The following DNAH3 variants were observed in gnomAD, a reference collection of about 807,000 sequenced individuals.
The protein encoded by DNAH3 is axonemal beta dynein heavy chain 3.
DNAH3 carries 332 observed loss-of-function variants against 432.5 expected under a neutral mutation model. That is an observed-to-expected ratio of 0.77 (90% CI 0.70 to 0.84). The LOEUF (loss-of-function observed/expected upper bound fraction) is 0.84. Ranked by LOEUF, DNAH3 falls within the 40% of genes least tolerant of loss-of-function variation. The pLI, the probability that DNAH3 is intolerant of heterozygous loss-of-function variation, is 0.00. For missense variants in DNAH3, 4,861 were observed against 5,114.0 expected (o/e 0.95, Z 1.51); for synonymous variants, 1,956 against 1,900.2 (o/e 1.03, Z -0.76).
chr16:21,128,576 T>C (rs2092488302), intron 7 of DNAH3, among the ~76,000 whole-genome samples: 1 of 151,464 alleles, frequency 6.6e-6, no homozygotes. Flanking sequence ...GCGCCTGTAA[T>C]CCCAACCACC....
intron 41 of DNAH3, among the ~76,000 whole-genome samples, chr16:21,010,246 G>C (rs2087525909): frequency 6.6e-6 from 1 of 152,106 alleles, no homozygotes; most frequent in African/African-American, 2.4e-5. Flanking sequence ...TTAAACTCTG[G>C]TCTGGGTGTG....
At chr16:20,963,780 C>T in exon 53 of DNAH3, 1 of 1,613,938 alleles carries the variant, frequency 6.2e-7, no homozygotes, top group Non-Finnish European at 8.5e-7. Context: ...GTAGCTTGTC[C>T]TTCTCAAACA....
rs933747842 is a variant in DNAH3 at position 21,037,696 on chromosome 16, A to C, written c.4950+65T>G. ...GAAGAGGGTATGGGGAAGGCACCAA[A>C]CACAACATTTCATCTTCCAACATTG... On this transcript the variant is annotated intron_variant, in intron 34 of 61. Transcript: ENST00000261383. 4.4e-5 allele frequency: 64 copies of C among 1,458,552 alleles called. No homozygotes were observed. In the African/African-American group the frequency reaches 8.6e-4, roughly 20 times the overall value. 90.4% of individuals were successfully genotyped at this position (1,458,552 alleles called of 1,614,324 possible).
intron 41 of DNAH3, among the ~76,000 whole-genome samples, chr16:21,007,786 T>C (rs937026621): frequency 6.6e-6 from 1 of 152,204 alleles, no homozygotes; most frequent in African/African-American, 2.4e-5. Context: ...CTCCAAATCA[T>C]AAAAATGTGC....
chr16:21,085,204 C>T (rs372269816), intron 19 of DNAH3, among the ~76,000 whole-genome samples: 1 of 146,526 alleles, frequency 6.8e-6, no homozygotes, highest in African/African-American at 2.7e-5. Flanking sequence ...CATAGTAAGA[C>T]CCCCCCCATC....
chr16:20,989,406 C>T (rs1022575132), intron 44 of DNAH3, among the ~76,000 whole-genome samples: 1 of 151,066 alleles, frequency 6.6e-6, no homozygotes, highest in Non-Finnish European at 1.5e-5. Context: ...AATCCTTGAG[C>T]TAGACATAAA....
intron 21 of DNAH3, among the ~76,000 whole-genome samples, chr16:21,074,799 T>G (rs913498344): frequency 6.6e-6 from 1 of 152,126 alleles, no homozygotes; most frequent in Non-Finnish European, 1.5e-5. Flanking sequence ...CCCCAAGAGC[T>G]GCAACCCTCA....
intron 41 of DNAH3, among the ~76,000 whole-genome samples, chr16:21,005,628 C>G (rs929190173): frequency 6.6e-6 from 1 of 151,876 alleles, no homozygotes; most frequent in Non-Finnish European, 1.5e-5. Context: ...ATCTGCCTGC[C>G]TTGGCCTCCT....
intron 28 of DNAH3, 47 bp downstream of exon 28, chr16:21,054,373 G>T: frequency 7.2e-7 from 1 of 1,397,224 alleles, no homozygotes; most frequent in Non-Finnish European, 1.0e-6. Flanking sequence ...AGACTAGACT[G>T]CTTCTCCTGG....
At chr16:21,097,707 T>G (rs1465070279) in intron 17 of DNAH3, among the ~76,000 whole-genome samples, 1 of 152,182 alleles carries the variant, frequency 6.6e-6, no homozygotes, top group East Asian at 1.9e-4. Context: ...GTCTGTCTGG[T>G]TGAAACTGTA....
intron 51 of DNAH3, among the ~76,000 whole-genome samples, chr16:20,970,731 G>A (rs1420206574): frequency 6.6e-6 from 1 of 152,078 alleles, no homozygotes; most frequent in African/African-American, 2.4e-5. Flanking sequence ...CTCATTAGGG[G>A]GGAAAGAAAT....
At position 21,038,435 on chromosome 16, in the gene DNAH3, T is replaced by G. The variant is rs115797437; in HGVS notation, c.4731-455A>C. ...GGAAGGCTAAGGGTGGGAGGAGCTCTTGAGCCCAGGAGTTCAAGGCTGCAG... is the reference window on the plus strand; with the variant it reads ...GGAAGGCTAAGGGTGGGAGGAGCTCGTGAGCCCAGGAGTTCAAGGCTGCAG... On this transcript the variant is annotated intron_variant, in intron 33 of 61. Transcript: ENST00000261383. Among the ~76,000 whole-genome samples the G allele has an allele frequency of 2.3e-3, 355 of 152,292 alleles. 1 individual carries two copies. The highest frequency in any genetic ancestry group is 8.1e-3 in the African/African-American group (338 of 41,580).
chr16:21,071,711 G>T (rs981350116), intron 21 of DNAH3, among the ~76,000 whole-genome samples: 5 of 152,008 alleles, frequency 3.3e-5, no homozygotes, highest in African/African-American at 1.2e-4. Flanking sequence ...AACATAGCAA[G>T]ACCCCATCTC....
At chr16:21,095,503 G>A (rs1418038371) in intron 18 of DNAH3, among the ~76,000 whole-genome samples, 2 of 152,240 alleles carry the variant, frequency 1.3e-5, no homozygotes, top group East Asian at 1.9e-4. Context: ...AAAACTATAG[G>A]AACAATGAAG....
At chr16:21,029,784 G>A (rs1459839670) in intron 37 of DNAH3, among the ~76,000 whole-genome samples, 1 of 152,166 alleles carries the variant, frequency 6.6e-6, no homozygotes, top group Non-Finnish European at 1.5e-5. Flanking sequence ...CTACTATTGA[G>A]CTGTGTTGTG....
chr16:21,083,085 C>T (rs879338902), intron 19 of DNAH3, among the ~76,000 whole-genome samples: 26 of 151,150 alleles, frequency 1.7e-4, no homozygotes, highest in Admixed American at 9.2e-4. Context: ...GGCGCAATCT[C>T]GGCTCACTGC....
At chr16:21,025,078 C>T (rs2088473233) in intron 38 of DNAH3, among the ~76,000 whole-genome samples, 1 of 151,988 alleles carries the variant, frequency 6.6e-6, no homozygotes, top group African/African-American at 2.4e-5. Context: ...GTGCGTCCCA[C>T]CACACCTGGC....
chr16:20,954,793 G>T lies in DNAH3; in HGVS notation c.11071+20C>A. On this transcript the variant is annotated intron_variant, in intron 55 of 61. Coordinates refer to ENST00000261383, the Ensembl canonical transcript of DNAH3. ...GATATCCTTTCCCTCAGGCCACTCA[G>T]GTGCACTGTCATCGCTTACCTAGGG... 6.2e-7 allele frequency: 1 copy of T among 1,612,070 alleles called. No individual in the cohort carries two copies. Among genetic ancestry groups the T allele is most frequent in the Non-Finnish European group, 8.5e-7 (1 of 1,178,880 alleles).
chr16:21,135,855 C>G lies in DNAH3; in HGVS notation c.886+469G>C, dbSNP rs2092634692. ...GGATGTTCAAGACAAGCCTAGGCAA[C>G]ATAGGGAGACCTTGTCGCTAAAAAA... On this transcript the variant is annotated intron_variant, in intron 6 of 61. Transcript: ENST00000261383. Among the ~76,000 whole-genome samples, 4 of 141,480 alleles carry G rather than the reference C, an allele frequency of 2.8e-5. No individual in the cohort carries two copies. In the South Asian group the frequency reaches 9.1e-4, roughly 32 times the overall value. The allele number at this position is 141,480 out of a possible 152,430, so 92.8% of individuals were successfully genotyped here.
Sources: gnomAD v4.1 joint callset for allele counts (sites outside exome capture counted in the v4.1 genomes callset) on GRCh38, gnomAD v4.1.1 for gene constraint, MANE v1.5 for transcripts, NCBI Gene and HGNC (gene_info 2026-07-23, HGNC 2026-07-21) for gene names.